The following CATSPERT variants were observed in gnomAD, a reference collection of about 807,000 sequenced individuals.
The protein encoded by CATSPERT is cation channel sperm-associated targeting subunit tau.
chr2:201,576,670 C>T, the CATSPERT span, among the ~76,000 whole-genome samples: 4 of 152,182 alleles, frequency 2.6e-5, no homozygotes, highest in African/African-American at 7.2e-5. Flanking sequence ...TGTGTGCCCA[C>T]GGCACGCGGA....
the CATSPERT span, among the ~76,000 whole-genome samples, chr2:201,546,971 C>T: frequency 1.3e-5 from 2 of 152,010 alleles, no homozygotes; most frequent in African/African-American, 4.8e-5. Flanking sequence ...CTGGTACATG[C>T]TACAACAGGG....
At chr2:201,526,671 G>T in the CATSPERT span, among the ~76,000 whole-genome samples, 356 of 152,050 alleles carry the variant, frequency 2.3e-3, 4 homozygotes, top group Non-Finnish European at 9.7e-4. Context: ...AAAACAACAT[G>T]ATCATCTCAA....
At chr2:201,601,624 G>A in the CATSPERT span, 1 of 940,146 alleles carries the variant, frequency 1.1e-6, no homozygotes, top group Non-Finnish European at 1.6e-6. Context: ...CAAATAAAAA[G>A]GCACTTACTG....
At chr2:201,539,529 T>TTG in the CATSPERT span, among the ~76,000 whole-genome samples, 1 of 131,896 alleles carries the variant, frequency 7.6e-6, no homozygotes, top group Non-Finnish European at 1.6e-5. Context: ...TTTTTTTTTT[T>TTG]GTAAATCTTT....
chr2:201,505,823 C>T, the CATSPERT span, among the ~76,000 whole-genome samples: 1 of 152,020 alleles, frequency 6.6e-6, no homozygotes, highest in South Asian at 2.1e-4. Context: ...TTAGTTTTGG[C>T]AAATGTACTA....
At chr2:201,566,025 A>C in the CATSPERT span, among the ~76,000 whole-genome samples, 4 of 152,164 alleles carry the variant, frequency 2.6e-5, no homozygotes, top group Non-Finnish European at 5.9e-5. Context: ...AAAAAAGCCA[A>C]GAGCCACAAA....
At chr2:201,604,577 C>G in the CATSPERT span, 1 of 1,348,640 alleles carries the variant, frequency 7.4e-7, no homozygotes, top group Non-Finnish European at 1.0e-6. Context: ...TAATAAATAA[C>G]TTATACAGGT....
chr2:201,574,826 G>T, the CATSPERT span, among the ~76,000 whole-genome samples: 2 of 151,990 alleles, frequency 1.3e-5, no homozygotes, highest in East Asian at 3.9e-4. Context: ...TGAATAGAAA[G>T]ATCAATTAAT....
the CATSPERT span, among the ~76,000 whole-genome samples, chr2:201,540,508 G>A: frequency 6.6e-6 from 1 of 152,310 alleles, no homozygotes; most frequent in Non-Finnish European, 1.5e-5. Flanking sequence ...TAACATTTAT[G>A]TCAAGTGTAC....
the CATSPERT span, chr2:201,492,248 T>A: frequency 6.6e-7 from 1 of 1,519,476 alleles, no homozygotes; most frequent in Non-Finnish European, 8.8e-7. Flanking sequence ...AAATGTGTTT[T>A]TATATATTTT....
the CATSPERT span, among the ~76,000 whole-genome samples, chr2:201,501,869 T>C: frequency 2.6e-5 from 4 of 152,182 alleles, no homozygotes; most frequent in Non-Finnish European, 5.9e-5. Context: ...TGAATAGACT[T>C]ATAAGTGAAG....
At chr2:201,612,581 G>GAAA in the CATSPERT span, among the ~76,000 whole-genome samples, 90 of 111,226 alleles carry the variant, frequency 8.1e-4, 1 homozygote, top group African/African-American at 3.0e-3. Flanking sequence ...CTCCATCTTG[G>GAAA]AAAAAAAAAA....
At chr2:201,617,391 G>A in the CATSPERT span, among the ~76,000 whole-genome samples, 4 of 152,060 alleles carry the variant, frequency 2.6e-5, no homozygotes, top group South Asian at 2.1e-4. Context: ...TAGAGCCCCC[G>A]GAAATAATAC....
the CATSPERT span, among the ~76,000 whole-genome samples, chr2:201,490,559 C>A: frequency 6.6e-6 from 1 of 152,086 alleles, no homozygotes; most frequent in Non-Finnish European, 1.5e-5. Context: ...GAGAATCTGC[C>A]CAGAGGAAGA....
the CATSPERT span, among the ~76,000 whole-genome samples, chr2:201,591,798 G>T: frequency 2.0e-5 from 3 of 151,986 alleles, no homozygotes; most frequent in East Asian, 5.8e-4. Flanking sequence ...TCTGTTATTG[G>T]TGTATAAGAA....
chr2:201,535,423 C>T, the CATSPERT span: 3 of 972,884 alleles, frequency 3.1e-6, no homozygotes, highest in East Asian at 3.4e-4. Flanking sequence ...ATTTGGTGTA[C>T]CTTTAAATTC....
the CATSPERT span, among the ~76,000 whole-genome samples, chr2:201,541,748 A>G: frequency 6.6e-6 from 1 of 151,558 alleles, no homozygotes; most frequent in African/African-American, 2.4e-5. Context: ...GGCGTGAGCG[A>G]CCACACCCTG....
chr2:201,519,917 G>A, the CATSPERT span, among the ~76,000 whole-genome samples: 76 of 137,132 alleles, frequency 5.5e-4, 2 homozygotes, highest in South Asian at 0.018. Flanking sequence ...GCAAATATAT[G>A]TTGCCTAAAA....
chr2:201,563,995 TACA>T, the CATSPERT span, among the ~76,000 whole-genome samples: 4 of 150,404 alleles, frequency 2.7e-5, no homozygotes, highest in Non-Finnish European at 5.9e-5. Context: ...GAGATAGAAA[TACA>T]ACGATGTGAG....
Sources: gnomAD v4.1 joint callset for allele counts (sites outside exome capture counted in the v4.1 genomes callset) on GRCh38, gnomAD v4.1.1 for gene constraint, MANE v1.5 for transcripts, NCBI Gene and HGNC (gene_info 2026-07-23, HGNC 2026-07-21) for gene names.